The following TPTE2 variants were observed in gnomAD, a reference collection of about 807,000 sequenced individuals.
The protein encoded by TPTE2 is transmembrane phosphoinositide 3-phosphatase and tensin homolog 2.
Under a neutral mutation model 78.6 loss-of-function variants are expected in TPTE2, and 53 were observed. The ratio of observed to expected loss-of-function variants is 0.67; its 90% CI spans 0.54 to 0.85. TPTE2 has a LOEUF of 0.85. Ranked by LOEUF, TPTE2 falls within the 40% of genes least tolerant of loss-of-function variation. The pLI is 0.00. For missense variants in TPTE2, 461 were observed against 623.0 expected (o/e 0.74, Z 2.77); for synonymous variants, 175 against 206.2 (o/e 0.85, Z 1.30).
At position 19,467,138 on chromosome 13, in the gene TPTE2, A is replaced by G. The variant is rs963311846; in HGVS notation, c.512+87T>C. 5.1e-6 allele frequency: 7 copies of G among 1,372,342 alleles called. No homozygotes were observed. The African/African-American group carries it at 9.0e-5, about 18-fold the overall frequency. 85.0% of individuals were successfully genotyped at this position (1,372,342 alleles called of 1,614,324 possible). ...ATTTGGTATAGATGAGAACATTTGA[A>G]GTTGAAAAGATTATATAGAATAAAA... On this transcript the variant is annotated intron_variant, in intron 7 of 19. Transcript: ENST00000400230.
At position 19,482,438 on chromosome 13, in the gene TPTE2, G is replaced by A. The variant is rs774352680; in HGVS notation, c.179+50C>T. ...TAGCGGAAGCCCTGTTTCACTAAAG[G>A]TAAGAGATCCATCAATGGCTCCCTC... On this transcript the variant is annotated intron_variant, in intron 4 of 19. Coordinates refer to ENST00000400230, the Ensembl canonical transcript of TPTE2. 4.4e-6 allele frequency: 7 copies of A among 1,596,052 alleles called. No individual in the cohort carries two copies. The South Asian group carries it at 4.6e-5, about 10-fold the overall frequency.
At chr13:19,447,325 A>G (rs1877906475) in intron 13 of TPTE2, among the ~76,000 whole-genome samples, 1 of 152,222 alleles carries the variant, frequency 6.6e-6, no homozygotes, top group Non-Finnish European at 1.5e-5. Context: ...GTTTTCCTTC[A>G]AGCAAGGAAT....
chr13:19,547,806 G>T, the TPTE2 span, among the ~76,000 whole-genome samples: 7 of 148,520 alleles, frequency 4.7e-5, no homozygotes, highest in Admixed American at 4.8e-4. Flanking sequence ...GCGGATAAAT[G>T]TGTAACTGCC....
chr13:19,445,531 T>C (rs1160981259), intron 13 of TPTE2, among the ~76,000 whole-genome samples: 2 of 152,234 alleles, frequency 1.3e-5, no homozygotes, highest in Non-Finnish European at 2.9e-5. Context: ...AGAAAACAGA[T>C]GACATTATCA....
intron 1 of TPTE2, among the ~76,000 whole-genome samples, chr13:19,500,201 A>G (rs1476341549): frequency 4.0e-5 from 6 of 151,012 alleles, no homozygotes; most frequent in Admixed American, 3.3e-4. Context: ...ATGGATTCAC[A>G]GCTGAATTCT....
intron 17 of TPTE2, among the ~76,000 whole-genome samples, chr13:19,427,383 G>C (rs574534309): frequency 2.6e-5 from 4 of 151,794 alleles, no homozygotes; most frequent in Non-Finnish European, 5.9e-5. Flanking sequence ...GTGCCCGGCC[G>C]TGAGGCACTT....
At chr13:19,495,440 G>T (rs1202920767) in intron 1 of TPTE2, among the ~76,000 whole-genome samples, 2 of 152,150 alleles carry the variant, frequency 1.3e-5, no homozygotes, top group African/African-American at 4.8e-5. Flanking sequence ...CTCACTGAAT[G>T]GTAATGTGAC....
At chr13:19,529,420 C>A (rs1870728168) in intron 1 of TPTE2, among the ~76,000 whole-genome samples, 1 of 152,176 alleles carries the variant, frequency 6.6e-6, no homozygotes, top group Non-Finnish European at 1.5e-5. Context: ...AGCCACCATG[C>A]CCAGCTGGGT....
intron 6 of TPTE2, among the ~76,000 whole-genome samples, chr13:19,471,219 T>G (rs1464624045): frequency 6.6e-6 from 1 of 152,166 alleles, no homozygotes; most frequent in Non-Finnish European, 1.5e-5. Context: ...TGTCTTGTTC[T>G]TTCATCCATT....
chr13:19,441,183 G>A (rs763805110), intron 13 of TPTE2, among the ~76,000 whole-genome samples: 7 of 151,828 alleles, frequency 4.6e-5, no homozygotes, highest in East Asian at 1.9e-4. Flanking sequence ...ACCAAATACC[G>A]TATGTTCTCA....
At chr13:19,530,446 A>G (rs946979053) in intron 1 of TPTE2, among the ~76,000 whole-genome samples, 2 of 152,166 alleles carry the variant, frequency 1.3e-5, no homozygotes, top group African/African-American at 4.8e-5. Context: ...CTAACTGTGC[A>G]TTTTTTGGGG....
chr13:19,476,274 A>G (rs1195215811), intron 4 of TPTE2, among the ~76,000 whole-genome samples: 1 of 151,922 alleles, frequency 6.6e-6, no homozygotes, highest in African/African-American at 2.4e-5. Flanking sequence ...GCCTCATTTT[A>G]CCTTATGGCT....
intron 13 of TPTE2, among the ~76,000 whole-genome samples, chr13:19,441,320 G>A (rs1250913960): frequency 2.0e-5 from 3 of 151,934 alleles, no homozygotes; most frequent in African/African-American, 4.8e-5. Flanking sequence ...TGGGTCCTGT[G>A]CTCAGTACCT....
the TPTE2 span, among the ~76,000 whole-genome samples, chr13:19,544,975 C>T: frequency 7.0e-6 from 1 of 143,022 alleles, no homozygotes; most frequent in Middle Eastern, 3.3e-3. Flanking sequence ...CACACACACA[C>T]ACACGATAGG....
At chr13:19,439,098 A>G (rs549750109) in intron 13 of TPTE2, among the ~76,000 whole-genome samples, 8 of 152,170 alleles carry the variant, frequency 5.3e-5, no homozygotes, top group Non-Finnish European at 8.8e-5. Flanking sequence ...AATCTTCCCT[A>G]TCTGGCTCCA....
At chr13:19,550,909 A>G in the TPTE2 span, among the ~76,000 whole-genome samples, 188 of 151,952 alleles carry the variant, frequency 1.2e-3, no homozygotes, top group Admixed American at 2.3e-3. Flanking sequence ...CTCCTGCCTC[A>G]GCCTCCCAAG....
chr13:19,545,041 GT>G, the TPTE2 span, among the ~76,000 whole-genome samples: 1 of 151,602 alleles, frequency 6.6e-6, no homozygotes, highest in African/African-American at 2.4e-5. Context: ...CTGCTCCCTT[GT>G]AACACCTACC....
In TPTE2 at chr13:19,474,073, A is replaced by G. The variant is rs1879795681; in HGVS notation, c.233T>C (p.Ile78Thr). The stretch of plus-strand genomic sequence containing the variant: ...CAGTAAGACCAGGAAAACTCCAAAT[A>G]TTCTAAAATAAATAAATAAATAAAT... The change falls in exon 6 of 20, where the codon ATA (isoleucine) becomes ACA (threonine). Residue 78 changes from isoleucine to threonine, a missense_variant and splice_region_variant. Ile to Thr is a moderately conservative substitution (Grantham distance 89). Coordinates refer to ENST00000400230, the Ensembl canonical transcript of TPTE2. The G allele has an allele frequency of 6.5e-7, 1 of 1,546,342 alleles. No homozygotes were observed. Among genetic ancestry groups the G allele is most frequent in the Non-Finnish European group, 8.7e-7 (1 of 1,153,536 alleles).
intron 8 of TPTE2, 67 bp from the exon 12 acceptor site, chr13:19,465,385 A>T: frequency 6.2e-7 from 1 of 1,610,490 alleles, no homozygotes. Flanking sequence ...AACATTATAC[A>T]GTATAGATAT....
Sources: allele counts gnomAD v4.1 joint callset (sites outside exome capture counted in the v4.1 genomes callset), GRCh38; gene constraint gnomAD v4.1.1; transcripts MANE v1.5; gene names NCBI Gene and HGNC (gene_info 2026-07-23, HGNC 2026-07-21).